Variants in SENP2 observed in about 807,000 individuals in gnomAD.
SENP2 encodes sentrin-specific protease 2.
SENP2 carries 16 observed loss-of-function variants against 86.3 expected under a neutral mutation model. The observed-to-expected ratio is 0.19, with a 90% CI of 0.13 to 0.28. The LOEUF (loss-of-function observed/expected upper bound fraction) is 0.28, where lower values mean the gene tolerates loss of function less well. Ranked by LOEUF, SENP2 falls within the 10% of genes least tolerant of loss-of-function variation. The pLI is 1.00. For synonymous variants in SENP2, 222 were observed against 238.7 expected (o/e 0.93, Z 0.64); for missense variants, 552 against 703.0 (o/e 0.79, Z 2.43).
At position 185,630,840 on chromosome 3, in the gene SENP2, T is replaced by C. The variant is rs952046658; in HGVS notation, c.*996T>C. 4 of 152,422 alleles carry C rather than the reference T, an allele frequency of 2.6e-5. No homozygotes were observed. Among genetic ancestry groups the C allele is most frequent in the African/African-American group, 9.6e-5 (4 of 41,454 alleles). 9.4% of individuals were successfully genotyped at this position (152,422 alleles called of 1,614,324 possible). On this transcript the variant is annotated 3_prime_UTR_variant, in exon 17 of 17. Coordinates refer to ENST00000296257, the MANE Select transcript of SENP2 (RefSeq NM_021627.3). ...ATTAAGTCTAAATTAAGTTTTCTAC[T>C]CATTAAGACTAACATCTCCCCACTC...
chr3:185,630,065 G>C lies in SENP2; in HGVS notation c.*221G>C. ...TAAGGCTGTGCCTGCTCAGAGCTTT[G>C]GACTGTTCAACCCACACAAGAACAA... On this transcript the variant is annotated 3_prime_UTR_variant, in exon 17 of 17. Transcript: ENST00000296257. The C allele has an allele frequency of 2.0e-6, 1 of 510,888 alleles. No individual in the cohort carries two copies. The highest frequency in any genetic ancestry group is 3.0e-5 in the East Asian group (1 of 32,968). 31.6% of individuals were successfully genotyped at this position (510,888 alleles called of 1,614,324 possible).
Position 185,606,489 on chromosome 3 carries a change from T to C in SENP2, c.609T>C (p.Thr203=), listed in dbSNP as rs1309851526. ...SGKGLRRPHC[T]VEEGVQKEER... The stretch of plus-strand genomic sequence containing the variant: ...AGGGTCTGAGGCGTCCCCATTGTAC[T>C]GTGGAGGAGGTAAGCCTTTTCAGCT... Residue 203 remains threonine, a synonymous_variant, in exon 6 of 17, where the codon ACT becomes ACC. Coordinates refer to ENST00000296257, the MANE Select transcript of SENP2 (RefSeq NM_021627.3). 6.3e-7 allele frequency: 1 copy of C among 1,586,788 alleles called. No homozygotes were observed. Among genetic ancestry groups the C allele is most frequent in the Non-Finnish European group, 8.5e-7 (1 of 1,171,984 alleles).
rs1309785160 is a variant in SENP2 at position 185,631,890 on chromosome 3, G to A, written c.*2046G>A. The A allele has an allele frequency of 6.6e-6, 1 of 151,322 alleles. No homozygotes were observed. Among genetic ancestry groups the A allele is most frequent in the Non-Finnish European group, 1.5e-5 (1 of 67,944 alleles). The allele number at this position is 151,322 out of a possible 1,614,324, so 9.4% of individuals were successfully genotyped here. On this transcript the variant is annotated 3_prime_UTR_variant, in exon 17 of 17. Transcript: ENST00000296257. ...TGTATTATTTTGAGGGGCTTCTTCA[G>A]AGCAGTTCTCACTGAGCTTTCCATT...
intron 16 of SENP2, among the ~76,000 whole-genome samples, chr3:185,628,421 G>A (rs574501719): frequency 6.6e-6 from 1 of 152,234 alleles, no homozygotes; most frequent in African/African-American, 2.4e-5. Context: ...ACAGGCATGT[G>A]CCACCACGCC....
rs951376154 is a variant in SENP2 at position 185,586,636 on chromosome 3, A to C, written c.101+122A>C. 2.3e-6 allele frequency: 2 copies of C among 873,276 alleles called. No homozygotes were observed. Among genetic ancestry groups the C allele is most frequent in the African/African-American group, 3.3e-5 (2 of 59,990 alleles). The allele number at this position is 873,276 out of a possible 1,614,324, so 54.1% of individuals were successfully genotyped here. ...GAAACAGGTCGCCGGGATCCTAGTGACGTAGTCGCTCCCGCCAGGCTGTAG... is the reference window on the plus strand; with the variant it reads ...GAAACAGGTCGCCGGGATCCTAGTGCCGTAGTCGCTCCCGCCAGGCTGTAG... On this transcript the variant is annotated intron_variant, in intron 1 of 16. Coordinates refer to ENST00000296257, the MANE Select transcript of SENP2 (RefSeq NM_021627.3). This position sits in a 1 kb window ranked among gnomAD's most constrained non-coding sequence, Gnocchi z 4.3.
intron 16 of SENP2, among the ~76,000 whole-genome samples, chr3:185,629,375 A>G (rs888140131): frequency 1.3e-5 from 2 of 152,154 alleles, no homozygotes; most frequent in Non-Finnish European, 2.9e-5. Flanking sequence ...TTAGGAGGTC[A>G]AGACCAGCCT....
chr3:185,613,360 A>G lies in SENP2; in HGVS notation c.885A>G (p.Lys295=), dbSNP rs763742859. 1.9e-6 allele frequency: 3 copies of G among 1,593,178 alleles called. No homozygotes were observed. In the Admixed American group the frequency reaches 5.0e-5, roughly 27 times the overall value. ...LRSEKRCSKG[K]ITDTETMVGI... The stretch of plus-strand genomic sequence containing the variant: ...TTTTCCTTAGGTGTTCAAAGGGGAA[A>G]ATTACTGATACAGAGACGATGGTCG... Residue 295 remains lysine, a synonymous_variant, in exon 10 of 17, where the codon AAA becomes AAG. Transcript: ENST00000296257.
intron 11 of SENP2, among the ~76,000 whole-genome samples, chr3:185,615,815 A>G (rs572960366): frequency 6.6e-6 from 1 of 152,226 alleles, no homozygotes; most frequent in South Asian, 2.1e-4. Context: ...CTTCATGTCA[A>G]AAAGGATGGT....
intron 10 of SENP2, among the ~76,000 whole-genome samples, chr3:185,613,890 G>A (rs34619288): frequency 6.7e-6 from 1 of 150,130 alleles, no homozygotes; most frequent in African/African-American, 2.5e-5. Context: ...TCTTCCTTCT[G>A]AGTTGTTGGA....
Position 185,606,474 on chromosome 3 carries a change from G to C in SENP2, c.594G>C (p.Arg198Ser). The C allele has an allele frequency of 6.2e-7, 1 of 1,611,796 alleles. No homozygotes were observed. The highest frequency in any genetic ancestry group is 8.5e-7 in the Non-Finnish European group (1 of 1,179,440). ...MISEESGKGL[R>S]RPHCTVEEGV... ...CTGAAGAGAGTGGCAAGGGTCTGAG[G>C]CGTCCCCATTGTACTGTGGAGGAGG... The change falls in exon 6 of 17, where the codon AGG (arginine) becomes AGC (serine). Residue 198 changes from arginine to serine, a missense_variant. Coordinates refer to ENST00000296257, the MANE Select transcript of SENP2 (RefSeq NM_021627.3).
Position 185,630,581 on chromosome 3 carries a change from AAG to A in SENP2, c.*740_*741del, listed in dbSNP as rs1712415047. The A allele has an allele frequency of 6.6e-6, 1 of 152,644 alleles. No homozygotes were observed. Among genetic ancestry groups the A allele is most frequent in the African/African-American group, 2.4e-5 (1 of 41,440 alleles). The allele number at this position is 152,644 out of a possible 1,614,324, so 9.5% of individuals were successfully genotyped here. ...ACTCTGATTATCCAAGCATCTTCCG[AAG>A]AGTGTTGTGGTCACCTTAAAGAGAC... is the stretch of plus-strand genomic sequence containing the variant. On this transcript the variant is annotated 3_prime_UTR_variant, in exon 17 of 17. Coordinates refer to ENST00000296257, the MANE Select transcript of SENP2 (RefSeq NM_021627.3).
chr3:185,616,130 G>C (rs932024285), intron 11 of SENP2, among the ~76,000 whole-genome samples: 4 of 149,162 alleles, frequency 2.7e-5, no homozygotes, highest in African/African-American at 9.9e-5. Flanking sequence ...CAAAGTGCTG[G>C]GATTACAGGC....
chr3:185,609,286 T>C lies in SENP2; in HGVS notation c.658T>C (p.Leu220=). The C allele has an allele frequency of 6.2e-7, 1 of 1,613,888 alleles. No homozygotes were observed. Among genetic ancestry groups the C allele is most frequent in the African/African-American group, 1.3e-5 (1 of 75,050 alleles). The change falls in exon 7 of 17, where the codon TTG becomes CTG. Residue 220 remains leucine (L), a synonymous_variant. Transcript: ENST00000296257. ...GGAAAGAGAGAAGTACCGAAAGTTA[T>C]TGGAACGACTTAAAGAAAGTGGTCA... is the stretch of plus-strand genomic sequence containing the variant. ...KEEREKYRKL[L]ERLKESGHGN...
At chr3:185,621,682 A>G in intron 13 of SENP2, 144 bp from the exon 14 acceptor site, 1 of 492,122 alleles carries the variant, frequency 2.0e-6, no homozygotes, top group Non-Finnish European at 3.6e-6. Flanking sequence ...GCCACCATGC[A>G]TGGCCCATAA....
chr3:185,590,759 G>A (rs541534768), intron 2 of SENP2, among the ~76,000 whole-genome samples: 1 of 143,200 alleles, frequency 7.0e-6, no homozygotes, highest in East Asian at 2.1e-4. Flanking sequence ...TACTCGGGAG[G>A]CTGAGGCACG....
chr3:185,604,292 T>C (rs552886472), intron 5 of SENP2, among the ~76,000 whole-genome samples: 89 of 152,348 alleles, frequency 5.8e-4, no homozygotes, highest in Admixed American at 1.4e-3. Context: ...TTAGAGAATA[T>C]GCTTTGTATG....
At chr3:185,615,824 G>T (rs1283344363) in intron 11 of SENP2, among the ~76,000 whole-genome samples, 4 of 152,006 alleles carry the variant, frequency 2.6e-5, no homozygotes, top group African/African-American at 9.7e-5. Flanking sequence ...AAAAAGGATG[G>T]TGTGACCCCT....
Position 185,617,507 on chromosome 3 carries a change from C to T in SENP2, c.1138C>T (p.Leu380=). ...CATGGAAAAGGAAATCAGTAATGCC[C>T]TAGGCCATGGCCCACAGGATGAAAT... ...EDMEKEISNA[L]GHGPQDEILS... Residue 380 remains leucine, a synonymous_variant, in exon 12 of 17, where the codon CTA becomes TTA. Coordinates refer to ENST00000296257, the MANE Select transcript of SENP2 (RefSeq NM_021627.3). The T allele has an allele frequency of 1.2e-6, 2 of 1,613,500 alleles. No homozygotes were observed. Among genetic ancestry groups the T allele is most frequent in the South Asian group, 1.1e-5 (1 of 90,978 alleles).
At chr3:185,629,435 G>A (rs947299653) in intron 16 of SENP2, among the ~76,000 whole-genome samples, 5 of 152,056 alleles carry the variant, frequency 3.3e-5, no homozygotes, top group South Asian at 2.1e-4. Context: ...AAAATAAGCC[G>A]GGTGTGCTGG....
Sources: allele counts gnomAD v4.1 joint callset (sites outside exome capture counted in the v4.1 genomes callset), GRCh38; gene constraint gnomAD v4.1.1; non-coding constraint Gnocchi (gnomAD v3.1); transcripts MANE v1.5; gene names NCBI Gene and HGNC (gene_info 2026-07-23, HGNC 2026-07-21).